The following PHF2 variants were observed in gnomAD, a reference collection of about 807,000 sequenced individuals.
The protein encoded by PHF2 is lysine-specific demethylase PHF2.
A neutral mutation model predicts 120.5 loss-of-function variants in PHF2; 27 were observed. The ratio of observed to expected loss-of-function variants is 0.22; its 90% CI spans 0.17 to 0.31. The LOEUF (loss-of-function observed/expected upper bound fraction) is 0.31, where lower values mean the gene tolerates loss of function less well. Among genes scored for constraint, PHF2 ranks in the 10% least tolerant of loss-of-function variants. The pLI is 1.00. For synonymous variants in PHF2, 568 were observed against 592.5 expected, an observed-to-expected ratio of 0.96 and a Z score of 0.60; for missense variants, 1,024 against 1,434.8, an observed-to-expected ratio of 0.71 and a Z score of 4.63.
At chr9:93,618,053 C>T (rs1176160611) in intron 1 of PHF2, among the ~76,000 whole-genome samples, 1 of 152,264 alleles carries the variant, frequency 6.6e-6, no homozygotes, top group African/African-American at 2.4e-5. Context: ...ATCACTGCCA[C>T]ACCCACTCAC....
intron 1 of PHF2, among the ~76,000 whole-genome samples, chr9:93,583,826 CT>C (rs113746371): frequency 0.088 from 10,967 of 124,558 alleles, 867 homozygotes; most frequent in African/African-American, 0.25. Context: ...TTTTTCTTTT[CT>C]TTTTTTTTTT....
rs116441767 is a variant in PHF2, at chr9:93,619,724, C to T, written c.99-10246C>T. ...CAGCCCTGGTGGGCCTGTTGCGGCCCCTGAAGTTTGCACTTCGGCCAACAA... is the reference window on the plus strand; with the variant it reads ...CAGCCCTGGTGGGCCTGTTGCGGCCTCTGAAGTTTGCACTTCGGCCAACAA... On this transcript the variant is annotated intron_variant, in intron 1 of 21. Coordinates refer to ENST00000359246, the MANE Select transcript of PHF2 (RefSeq NM_005392.4). Among the ~76,000 whole-genome samples, 332 of 152,322 alleles carry T rather than the reference C, an allele frequency of 2.2e-3. 2 individuals are homozygous for T. Among genetic ancestry groups the T allele is most frequent in the African/African-American group, 7.7e-3 (322 of 41,568 alleles).
intron 13 of PHF2, 63 bp from the exon 14 acceptor site, chr9:93,663,454 A>G (rs2118018486): frequency 2.0e-6 from 2 of 980,016 alleles, no homozygotes; most frequent in South Asian, 2.9e-5. Flanking sequence ...ACTGACACTA[A>G]TTGGGGTCCT....
At chr9:93,613,895 T>C (rs1825679355) in intron 1 of PHF2, among the ~76,000 whole-genome samples, 1 of 152,140 alleles carries the variant, frequency 6.6e-6, no homozygotes, top group African/African-American at 2.4e-5. Flanking sequence ...ACCAGAAGTC[T>C]CTATGGGTTG....
intron 1 of PHF2, among the ~76,000 whole-genome samples, chr9:93,625,399 A>G (rs1290952853): frequency 2.7e-5 from 4 of 149,948 alleles, no homozygotes; most frequent in South Asian, 2.1e-4. Flanking sequence ...CATTCGGGCA[A>G]TTTCCACTTT....
chr9:93,604,859 A>G (rs112598288), intron 1 of PHF2, among the ~76,000 whole-genome samples: 5 of 152,046 alleles, frequency 3.3e-5, no homozygotes, highest in African/African-American at 1.2e-4. Context: ...CATTTCCTTC[A>G]TGAGATTTTC....
intron 16 of PHF2, among the ~76,000 whole-genome samples, chr9:93,666,371 G>GC (rs1272490712): frequency 4.6e-5 from 7 of 152,176 alleles, no homozygotes; most frequent in Non-Finnish European, 8.8e-5. Flanking sequence ...TGCAGGCCCT[G>GC]CCCCCGCCTC....
At chr9:93,647,474 T>C (rs1459299259) in intron 4 of PHF2, among the ~76,000 whole-genome samples, 1 of 152,218 alleles carries the variant, frequency 6.6e-6, no homozygotes, top group African/African-American at 2.4e-5. Context: ...GATGGAACTT[T>C]TTAAATACAC....
chr9:93,614,250 TC>T (rs1319933009), intron 1 of PHF2, among the ~76,000 whole-genome samples: 2 of 152,200 alleles, frequency 1.3e-5, no homozygotes, highest in Non-Finnish European at 2.9e-5. Context: ...GGACCTCACT[TC>T]CTCACCCAGG....
intron 1 of PHF2, among the ~76,000 whole-genome samples, chr9:93,622,483 G>A (rs772553742): frequency 6.6e-6 from 1 of 152,178 alleles, no homozygotes; most frequent in Non-Finnish European, 1.5e-5. Flanking sequence ...TCATCACAGT[G>A]GTCCTTAGGA....
intron 1 of PHF2, among the ~76,000 whole-genome samples, chr9:93,577,647 C>G (rs1262985040): frequency 6.6e-6 from 1 of 152,190 alleles, no homozygotes; most frequent in Non-Finnish European, 1.5e-5. Context: ...TTTCTCTCCT[C>G]TCCGTTCCCG....
rs528111542 is a variant in PHF2 at position 93,644,387 on chromosome 9, C to CAAA, written c.300-1226_300-1224dup. Among the ~76,000 whole-genome samples the CAAA allele has an allele frequency of 5.3e-4, 63 of 119,752 alleles. 1 individual carries two copies. Among genetic ancestry groups the CAAA allele is most frequent in the Middle Eastern group, 4.3e-3 (1 of 230 alleles). 78.6% of individuals were successfully genotyped at this position (119,752 alleles called of 152,430 possible). A position where few individuals can be genotyped will look rare whatever the true frequency, so the allele number is the denominator to read the frequency against. On this transcript the variant is annotated intron_variant, in intron 3 of 21. Coordinates refer to ENST00000359246, the MANE Select transcript of PHF2 (RefSeq NM_005392.4). ...GGGCAACAAGAGAGAAACTCCATCT[C>CAAA]AAAAAAAAAAAAAAAAAATTCCAGC...
chr9:93,636,722 C>A (rs908119336), intron 3 of PHF2, among the ~76,000 whole-genome samples, 197 bp downstream of exon 3: 8 of 152,244 alleles, frequency 5.3e-5, no homozygotes, highest in African/African-American at 1.9e-4. Context: ...CCAACCTCTC[C>A]TTCCCTTGGT....
rs200919035 is a variant in PHF2, at chr9:93,593,084, CAAAAAAAAAA to C, written c.98+16231_98+16240del. Among the ~76,000 whole-genome samples, 280 of 83,336 alleles carry C rather than the reference CAAAAAAAAAA, an allele frequency of 3.4e-3. 3 individuals are homozygous for C. Among genetic ancestry groups the C allele is most frequent in the African/African-American group, 0.011 (201 of 17,800 alleles). 54.7% of individuals were successfully genotyped at this position (83,336 alleles called of 152,430 possible). ...TCTTTGCTTTTCTTGTCCTTTATGC[CAAAAAAAAAA>C]AAAAAAAAAAAAAAAAAGAAAAAAA... On this transcript the variant is annotated intron_variant, in intron 1 of 21. Coordinates refer to ENST00000359246, the MANE Select transcript of PHF2 (RefSeq NM_005392.4).
chr9:93,615,345 A>G (rs1174562306), intron 1 of PHF2, among the ~76,000 whole-genome samples: 1 of 151,142 alleles, frequency 6.6e-6, no homozygotes, highest in East Asian at 2.0e-4. Flanking sequence ...GATGATAGCA[A>G]TGATGGTGAT....
chr9:93,653,047 T>C, intron 5 of PHF2, 132 bp from the exon 6 acceptor site: 1 of 735,818 alleles, frequency 1.4e-6, no homozygotes. Context: ...CTCTGTGAAA[T>C]GGGAGCTGTG....
At chr9:93,626,315 T>G (rs535214904) in intron 1 of PHF2, among the ~76,000 whole-genome samples, 41 of 152,346 alleles carry the variant, frequency 2.7e-4, no homozygotes, top group Non-Finnish European at 4.1e-4. Flanking sequence ...TTGATTTTAA[T>G]TTCCTTAATG....
At chr9:93,592,529 G>A (rs943837452) in intron 1 of PHF2, among the ~76,000 whole-genome samples, 1 of 152,232 alleles carries the variant, frequency 6.6e-6, no homozygotes. Flanking sequence ...GGAATATCCC[G>A]CCTGCTGGGT....
chr9:93,587,120 A>G (rs1189663786), intron 1 of PHF2, among the ~76,000 whole-genome samples: 1 of 152,226 alleles, frequency 6.6e-6, no homozygotes, highest in African/African-American at 2.4e-5. Flanking sequence ...CATGGAGTAT[A>G]GGGCAAGATG....
Sources: gnomAD v4.1 joint callset for allele counts (sites outside exome capture counted in the v4.1 genomes callset) on GRCh38, gnomAD v4.1.1 for gene constraint, MANE v1.5 for transcripts, NCBI Gene and HGNC (gene_info 2026-07-23, HGNC 2026-07-21) for gene names.